RBM10: variants seen among roughly 807,000 people sequenced by gnomAD.
The protein encoded by RBM10 is RNA binding motif protein 10, also known as RNA-binding protein 10.
Under a neutral mutation model 84.9 loss-of-function variants are expected in RBM10, and 1 was observed. That is an observed-to-expected ratio of 0.01 (90% CI 0.00 to 0.06). RBM10 has a LOEUF of 0.06. Ranked by LOEUF, RBM10 falls within the 10% of genes least tolerant of loss-of-function variation. RBM10 has a pLI of 1.00. For missense variants in RBM10, 438 were observed against 839.0 expected (o/e 0.52, Z 5.90); for synonymous variants, 326 against 344.5 (o/e 0.95, Z 0.60).
At chrX:47,170,406 G>A (rs1556772041) in intron 3 of RBM10, among the ~76,000 whole-genome samples, 1 of 113,371 alleles carries the variant, frequency 8.8e-6, no homozygotes, top group African/African-American at 3.2e-5. Context: ...GTCCTGGAAT[G>A]GATGGATTGG....
At chrX:47,155,146 C>CAAA (rs782034292) in intron 2 of RBM10, among the ~76,000 whole-genome samples, 10 of 27,289 alleles carry the variant, frequency 3.7e-4, no homozygotes, top group Admixed American at 4.6e-4. Context: ...GACTCCCTCT[C>CAAA]AAAAAAAAAA....
rs1556771158 is a variant in RBM10, at chrX:47,169,515, C to T, written c.201+17C>T. The T allele has an allele frequency of 3.3e-6, 4 of 1,195,557 alleles. No homozygotes were observed. Among genetic ancestry groups the T allele is most frequent in the Middle Eastern group, 2.9e-4 (1 of 3,423 alleles). ...AGTGCGGAGGTGAGGAGGGGGCGCG[C>T]TGCGCCAGGCCTGGCTGGGATGGGC... On this transcript the variant is annotated intron_variant, in intron 3 of 23. Transcript: ENST00000377604.
chrX:47,180,425 G>A lies in RBM10; in HGVS notation c.1167G>A (p.Met389Ile). The A allele has an allele frequency of 8.4e-7, 1 of 1,189,435 alleles. No homozygotes were observed. The highest frequency in any genetic ancestry group is 1.1e-6 in the Non-Finnish European group (1 of 885,014). ...VEFAKGSKRD[M>I]ASNEGSRISA... The stretch of plus-strand genomic sequence containing the variant: ...TCTCTAACATCCTCCTCAGGGACAT[G>A]GCCTCCAATGAAGGCAGTCGCATCA... The change falls in exon 12 of 24, where the codon ATG becomes ATA. Residue 389 changes from methionine (M) to isoleucine (I), a missense_variant. Coordinates refer to ENST00000377604, the MANE Select transcript of RBM10 (RefSeq NM_005676.5).
At position 47,181,531 on chromosome X, in the gene RBM10, G is replaced by A. The variant is rs1556779384; in HGVS notation, c.1460G>A (p.Gly487Glu). The A allele has an allele frequency of 1.7e-6, 2 of 1,210,285 alleles. No homozygotes were observed. Among genetic ancestry groups the A allele is most frequent in the African/African-American group, 1.7e-5 (1 of 57,435 alleles). Residue 487 changes from glycine to glutamate, a missense_variant, in exon 14 of 24, where the codon GGG (glycine) becomes GAG (glutamate). This residue lies in a region of RBM10 where 97 missense variants were observed against 110.3 expected (regional missense o/e 0.88). Transcript: ENST00000377604. The part of the protein sequence containing the change: ...GAGPEASLEP[G>E]ADSVSMQAFS... ...GGTCCCGAGGCCTCCCTAGAGCCTG[G>A]GGCCGACTCTGTGTCGATGCAGGCT...
rs1934628253 is a variant in RBM10, at chrX:47,171,133, C to T, written c.307C>T (p.Arg103Trp). Residue 103 changes from arginine (R) to tryptophan (W), a missense_variant, in exon 4 of 24, where the codon CGG becomes TGG. Transcript: ENST00000377604. ...AGGCTTCCCCCGAGACGGCGACTAT[C>T]GGGACCAGGACTATCGGACCGAGCA... Reference protein sequence around the residue: ...PPGFPRDGDYRDQDYRTEQGE... With the variant: ...PPGFPRDGDYWDQDYRTEQGE... 8 of 1,210,524 alleles carry T rather than the reference C, an allele frequency of 6.6e-6. No individual in the cohort carries two copies. Among genetic ancestry groups the T allele is most frequent in the Non-Finnish European group, 7.8e-6 (7 of 895,083 alleles).
intron 2 of RBM10, among the ~76,000 whole-genome samples, chrX:47,155,863 G>A (rs1331342029): frequency 4.4e-5 from 4 of 91,720 alleles, no homozygotes; most frequent in Non-Finnish European, 6.3e-5. Context: ...AGGCTGGAGT[G>A]CAATGACACA....
chrX:47,161,533 T>TGTGAG (rs2042743861), intron 2 of RBM10, among the ~76,000 whole-genome samples: 2 of 36,649 alleles, frequency 5.5e-5, no homozygotes, highest in African/African-American at 2.7e-4. Context: ...TTTTTTTTTT[T>TGTGAG]AGTGAGAGAG....
intron 7 of RBM10, 72 bp downstream of exon 7, chrX:47,176,658 T>A: frequency 8.4e-7 from 1 of 1,189,019 alleles, no homozygotes; most frequent in Admixed American, 2.3e-5. Flanking sequence ...TCTCCCTTCC[T>A]CTCCCGCTCT....
chrX:47,145,772 A>G (rs1366303672), intron 1 of RBM10, among the ~76,000 whole-genome samples: 2 of 104,873 alleles, frequency 1.9e-5, no homozygotes, highest in Non-Finnish European at 3.9e-5. Flanking sequence ...TGTCGGCTAC[A>G]TCGAAGTTTA....
intron 2 of RBM10, chrX:47,157,854 G>A (rs912753257): frequency 6.6e-5 from 20 of 301,628 alleles, no homozygotes; most frequent in African/African-American, 1.2e-4. Flanking sequence ...ATCTCAGCTC[G>A]TTGCAACCTC....
rs1341037791 is a variant in RBM10, at chrX:47,185,359, G to T, written c.2158G>T (p.Asp720Tyr). Reference protein sequence around the residue: ...SMDLPKLASDDRPSPPRGLVA... With the variant: ...SMDLPKLASDYRPSPPRGLVA... ...GGATCTCCCGAAATTGGCCAGTGAC[G>T]ACCGCCCAGTGAGTGCCCAAGGCAG... Residue 720 changes from aspartate to tyrosine, a missense_variant, in exon 19 of 24, where the codon GAC becomes TAC. By Grantham distance (160) the Asp-to-Tyr change is radical (BLOSUM62 -3). Transcript: ENST00000377604. 8.3e-7 allele frequency: 1 copy of T among 1,201,286 alleles called. No homozygotes were observed. Among genetic ancestry groups the T allele is most frequent in the South Asian group, 1.8e-5 (1 of 55,421 alleles).
intron 2 of RBM10, among the ~76,000 whole-genome samples, chrX:47,159,944 C>T (rs932746792): frequency 9.0e-6 from 1 of 111,334 alleles, no homozygotes; most frequent in South Asian, 3.7e-4. Flanking sequence ...TCGAGACGAG[C>T]CTGACCAACA....
intron 2 of RBM10, among the ~76,000 whole-genome samples, chrX:47,154,882 T>C (rs1932964588): frequency 9.3e-6 from 1 of 107,276 alleles, no homozygotes; most frequent in Non-Finnish European, 1.9e-5. Context: ...GTGTGGTGGC[T>C]CACGCCTGTA....
intron 2 of RBM10, among the ~76,000 whole-genome samples, chrX:47,166,429 C>A (rs1182955685): frequency 9.0e-6 from 1 of 111,408 alleles, no homozygotes; most frequent in South Asian, 3.7e-4. Flanking sequence ...TATTTTGAAA[C>A]AGTCTATCCA....
At chrX:47,155,556 C>T (rs5952420) in intron 2 of RBM10, among the ~76,000 whole-genome samples, 8,618 of 106,806 alleles carry the variant, frequency 0.081, 928 homozygotes, top group African/African-American at 0.28. Context: ...CACAGTGAAA[C>T]CCCATCTCTA....
chrX:47,161,513 G>GT lies in RBM10; in HGVS notation c.18-7782dup, dbSNP rs781863849. ...TGCTAGAGTTCCTCTCAACTCATTAGTTTTTTTTTTTTTTTTTTTTAGTGA... is the reference window on the plus strand; with the variant it reads ...TGCTAGAGTTCCTCTCAACTCATTAGTTTTTTTTTTTTTTTTTTTTTAGTGA... On this transcript the variant is annotated intron_variant, in intron 2 of 23. Coordinates refer to ENST00000377604, the MANE Select transcript of RBM10 (RefSeq NM_005676.5). Among the ~76,000 whole-genome samples the GT allele has an allele frequency of 5.0e-3, 273 of 55,091 alleles. 1 individual carries two copies. The highest frequency in any genetic ancestry group is 9.1e-3 in the African/African-American group (124 of 13,675). The allele number at this position is 55,091 out of a possible 115,157, so 47.8% of individuals were successfully genotyped here. A position where few individuals can be genotyped will look rare whatever the true frequency, so the allele number is the denominator to read the frequency against.
chrX:47,181,521 C>T lies in RBM10; in HGVS notation c.1450C>T (p.Leu484=), dbSNP rs1556779375. ...DPTGAGPEAS[L]EPGADSVSMQ... ...CCTCCTTACAGGTCCCGAGGCCTCC[C>T]TAGAGCCTGGGGCCGACTCTGTGTC... The change falls in exon 14 of 24, where the codon CTA becomes TTA. Residue 484 remains leucine, a synonymous_variant. Coordinates refer to ENST00000377604, the MANE Select transcript of RBM10 (RefSeq NM_005676.5). 8.3e-7 allele frequency: 1 copy of T among 1,211,800 alleles called. No homozygotes were observed. The highest frequency in any genetic ancestry group is 1.1e-6 in the Non-Finnish European group (1 of 895,459).
At chrX:47,182,770 C>G in intron 17 of RBM10, among the ~76,000 whole-genome samples, 1 of 112,657 alleles carries the variant, frequency 8.9e-6, no homozygotes, top group African/African-American at 3.2e-5. Context: ...GTGAGCGTAG[C>G]GTTTACAAGC....
At position 47,186,265 on chromosome X, in the gene RBM10, G is replaced by C. The variant is rs782146803; in HGVS notation, c.2545G>C (p.Glu849Gln). The C allele has an allele frequency of 8.3e-7, 1 of 1,209,927 alleles. No homozygotes were observed. The highest frequency in any genetic ancestry group is 2.2e-5 in the Admixed American group (1 of 45,854). ...TGTGCACCGCCCCTGCAGAGACTTC[G>C]AGCAGCCTACTCGGGACGGGCTGGG... Reference protein sequence around the residue: ...GGISTASVDFEQPTRDGLGSD... With the variant: ...GGISTASVDFQQPTRDGLGSD... Residue 849 changes from glutamate (E) to glutamine (Q), a missense_variant, in exon 23 of 24, where the codon GAG becomes CAG. Physicochemically the swap from Glu to Gln is conservative, Grantham distance 29 (BLOSUM62 2). Coordinates refer to ENST00000377604, the MANE Select transcript of RBM10 (RefSeq NM_005676.5).
Sources: allele counts gnomAD v4.1 joint callset (sites outside exome capture counted in the v4.1 genomes callset), GRCh38; gene constraint gnomAD v4.1.1; regional missense constraint gnomAD v4.1.1; transcripts MANE v1.5; gene names NCBI Gene and HGNC (gene_info 2026-07-23, HGNC 2026-07-21).